Variants in RNF112 observed in about 807,000 individuals in gnomAD.
The protein encoded by RNF112 is brain finger protein.
RNF112 carries 34 observed loss-of-function variants against 64.7 expected under a neutral mutation model. The ratio of observed to expected loss-of-function variants is 0.53; its 90% CI spans 0.40 to 0.70. The LOEUF (loss-of-function observed/expected upper bound fraction) is 0.70. RNF112 is among the 30% of genes least tolerant of loss of function. RNF112 has a pLI of 0.00. For synonymous variants in RNF112, 345 were observed against 344.5 expected, an observed-to-expected ratio of 1.00 and a Z score of -0.02; for missense variants, 734 against 850.0, an observed-to-expected ratio of 0.86 and a Z score of 1.70.
In RNF112 at chr17:19,412,863, G is replaced by A. The variant is rs961834051; in HGVS notation, c.382-75G>A. On this transcript the variant is annotated intron_variant, in intron 3 of 13. Coordinates refer to ENST00000461366, the MANE Select transcript of RNF112 (RefSeq NM_007148.5). The surrounding 1 kb of genome is among the most constrained non-coding windows in gnomAD (Gnocchi z 5.1). The stretch of plus-strand genomic sequence containing the variant: ...CTATTCTAGAACATCAGGACACAGA[G>A]CTCCAGGCTGAACACATTCCAGGGT... 3.2e-5 allele frequency: 50 copies of A among 1,578,066 alleles called. 1 individual carries two copies. The East Asian group carries it at 1.1e-3, about 34-fold the overall frequency.
chr17:19,414,326 C>T (rs918318007), intron 7 of RNF112, 123 bp from the exon 8 acceptor site: 50 of 1,253,746 alleles, frequency 4.0e-5, no homozygotes, highest in Non-Finnish European at 5.2e-5. Flanking sequence ...CAGGAGAACC[C>T]CAGGCTGCAA....
rs778162519 is a variant in RNF112, at chr17:19,411,459, A to G, written c.51A>G (p.Lys17=). Residue 17 remains lysine (K), a synonymous_variant, in exon 1 of 14, where the codon AAA becomes AAG. Coordinates refer to ENST00000461366, the MANE Select transcript of RNF112 (RefSeq NM_007148.5). ...SVTSFCHRLG[K]RERKQSFMGN... is the part of the protein sequence containing the mutation. ...CTTCCTTTTGTCATCGGCTTGGCAAACGGGCAAGTCTTCAGTCCTAAGATC... is the reference window on the plus strand; with the variant it reads ...CTTCCTTTTGTCATCGGCTTGGCAAGCGGGCAAGTCTTCAGTCCTAAGATC... The G allele has an allele frequency of 2.6e-6, 4 of 1,549,934 alleles. No individual in the cohort carries two copies. The East Asian group carries it at 7.7e-5, about 30-fold the overall frequency.
chr17:19,413,482 G>A lies in RNF112; in HGVS notation c.720+71G>A. ...TCAAGAAGGGCGTCTCTGGGGTGAGGATAGAAGATGGGGATGGGACGGGGC... is the reference window on the plus strand; with the variant it reads ...TCAAGAAGGGCGTCTCTGGGGTGAGAATAGAAGATGGGGATGGGACGGGGC... On this transcript the variant is annotated intron_variant, in intron 5 of 13. Coordinates refer to ENST00000461366, the MANE Select transcript of RNF112 (RefSeq NM_007148.5). The surrounding 1 kb of genome is among the most constrained non-coding windows in gnomAD (Gnocchi z 5.9). The A allele has an allele frequency of 6.4e-7, 1 of 1,566,196 alleles. No individual in the cohort carries two copies. Among genetic ancestry groups the A allele is most frequent in the Non-Finnish European group, 8.8e-7 (1 of 1,142,262 alleles).
chr17:19,413,347 A>T lies in RNF112; in HGVS notation c.656A>T (p.Asn219Ile), dbSNP rs773373702. 6.2e-7 allele frequency: 1 copy of T among 1,613,290 alleles called. No individual in the cohort carries two copies. The highest frequency in any genetic ancestry group is 1.1e-5 in the South Asian group (1 of 90,994). ...CTGCAGGGCTGCAGGTGGGGCGCCA[A>T]TGGCCTCGCCAGGGGCATATGGATG... ...ASLQGCRWGA[N>I]GLARGIWMWS... Residue 219 changes from asparagine (N) to isoleucine (I), a missense_variant, in exon 5 of 14, where the codon AAT becomes ATT. Physicochemically the swap from Asn to Ile is moderately radical, Grantham distance 149. Coordinates refer to ENST00000461366, the MANE Select transcript of RNF112 (RefSeq NM_007148.5). The surrounding 1 kb of genome is among the most constrained non-coding windows in gnomAD (Gnocchi z 5.9).
rs975287389 is a variant in RNF112, at chr17:19,415,621, G to A, written c.1425+29G>A. 1.3e-5 allele frequency: 21 copies of A among 1,609,058 alleles called. No homozygotes were observed. In the Admixed American group the frequency reaches 1.3e-4, roughly 10 times the overall value. On this transcript the variant is annotated intron_variant, in intron 13 of 13. Coordinates refer to ENST00000461366, the MANE Select transcript of RNF112 (RefSeq NM_007148.5). This position sits in a 1 kb window ranked among gnomAD's most constrained non-coding sequence, Gnocchi z 7.8. ...AGCCCCGGGGCTGCACGGGAGGCAG[G>A]TGTGGGCCGGGCAGGGTCCAGATCA...
chr17:19,416,180 C>T lies in RNF112; in HGVS notation c.*5C>T, dbSNP rs2152300665. On this transcript the variant is annotated 3_prime_UTR_variant, in exon 14 of 14. Coordinates refer to ENST00000461366, the MANE Select transcript of RNF112 (RefSeq NM_007148.5). ...CCCCTTCTCCAGGAAGAGTAACAGC[C>T]CCAGGAGGTATTGAAGGACAGGAGA... 6.5e-7 allele frequency: 1 copy of T among 1,545,566 alleles called. No homozygotes were observed. Among genetic ancestry groups the T allele is most frequent in the East Asian group, 2.4e-5 (1 of 41,472 alleles).
In RNF112 at chr17:19,411,651, G is replaced by A; in HGVS notation, c.76G>A (p.Gly26Arg). Residue 26 changes from glycine (G) to arginine (R), a missense_variant, in exon 2 of 14, where the codon GGA becomes AGA. Physicochemically the swap from Gly to Arg is moderately radical, Grantham distance 125. Transcript: ENST00000461366. ...CAAGGAGAGAAAACAGAGCTTCATG[G>A]GAAACAGCGGCAACAGTTGGTAAGT... ...GKRERKQSFM[G>R]NSGNSWSHTP... 3 of 1,572,814 alleles carry A rather than the reference G, an allele frequency of 1.9e-6. No individual in the cohort carries two copies. The highest frequency in any genetic ancestry group is 2.6e-6 in the Non-Finnish European group (3 of 1,159,466).
chr17:19,414,341 G>T, intron 7 of RNF112, 108 bp from the exon 8 acceptor site: 1 of 1,373,612 alleles, frequency 7.3e-7, no homozygotes, highest in Non-Finnish European at 1.0e-6. Context: ...CTGCAAAAGG[G>T]GGAGCCTAGC....
At chr17:19,414,387 T>G in intron 7 of RNF112, 62 bp from the exon 8 acceptor site, 1 of 1,596,922 alleles carries the variant, frequency 6.3e-7, no homozygotes, top group South Asian at 1.1e-5. Context: ...GGAGACAGGC[T>G]TGGGGTGCAC....
In RNF112 at chr17:19,416,169, A is replaced by G; in HGVS notation, c.1890A>G (p.Glu630=). The change falls in exon 14 of 14, where the codon GAA becomes GAG. Residue 630 remains glutamate (E), a synonymous_variant. Coordinates refer to ENST00000461366, the MANE Select transcript of RNF112 (RefSeq NM_007148.5). ...LEGDREPLLQ[E]E ...GGGACCGAGAGCCCCTTCTCCAGGA[A>G]GAGTAACAGCCCCAGGAGGTATTGA... 7.1e-6 allele frequency: 11 copies of G among 1,555,356 alleles called. No homozygotes were observed. The highest frequency in any genetic ancestry group is 9.6e-6 in the Non-Finnish European group (11 of 1,150,000).
rs1363373717 is a variant in RNF112 at position 19,415,080 on chromosome 17, C to T, written c.1169C>T (p.Ser390Leu). ...DFRHLLGAYV[S>L]DVLSAAPQHA... is the part of the protein sequence containing the mutation. ...CGCCACCTTCTGGGGGCCTACGTCT[C>T]AGATGTGCTGAGTGCGGCCCCCCAG... The change falls in exon 11 of 14, where the codon TCA becomes TTA. Residue 390 changes from serine to leucine, a missense_variant. Transcript: ENST00000461366. The surrounding 1 kb of genome is among the most constrained non-coding windows in gnomAD (Gnocchi z 7.8). 2.5e-6 allele frequency: 4 copies of T among 1,599,800 alleles called. No individual in the cohort carries two copies. The highest frequency in any genetic ancestry group is 2.7e-5 in the African/African-American group (2 of 73,902).
chr17:19,412,362 TG>T lies in RNF112; in HGVS notation c.96-134del. On this transcript the variant is annotated intron_variant, in intron 2 of 13. Transcript: ENST00000461366. This position sits in a 1 kb window ranked among gnomAD's most constrained non-coding sequence, Gnocchi z 5.1. ...CTCTGGGAGCAGCTCCGCCTGTCCA[TG>T]GAGGCACTGATGGAAATTGGGTTGG... 1 of 924,422 alleles carries T rather than the reference TG, an allele frequency of 1.1e-6. No homozygotes were observed. The highest frequency in any genetic ancestry group is 1.6e-6 in the Non-Finnish European group (1 of 626,800). 57.3% of individuals were successfully genotyped at this position (924,422 alleles called of 1,614,324 possible).
Position 19,412,203 on chromosome 17 carries a change from G to A in RNF112, c.96-295G>A, listed in dbSNP as rs1913686398. On this transcript the variant is annotated intron_variant, in intron 2 of 13. Coordinates refer to ENST00000461366, the MANE Select transcript of RNF112 (RefSeq NM_007148.5). The surrounding 1 kb of genome is among the most constrained non-coding windows in gnomAD (Gnocchi z 5.1). The stretch of plus-strand genomic sequence containing the variant: ...GAAGGAACTTGCTTGCATTTGCATG[G>A]CTGGGATGTGGTGGAGTCCATTCCA... 6.6e-6 allele frequency among the ~76,000 whole-genome samples: 1 copy of A among 152,196 alleles called. No individual in the cohort carries two copies. Among genetic ancestry groups the A allele is most frequent in the Non-Finnish European group, 1.5e-5 (1 of 68,036 alleles).
Position 19,416,221 on chromosome 17 carries a change from T to G in RNF112, c.*46T>G. 1 of 1,481,394 alleles carries G rather than the reference T, an allele frequency of 6.8e-7. No homozygotes were observed. The highest frequency in any genetic ancestry group is 2.2e-5 in the Admixed American group (1 of 44,940). 91.8% of individuals were successfully genotyped at this position (1,481,394 alleles called of 1,614,324 possible). A position where few individuals can be genotyped will look rare whatever the true frequency, so the allele number is the denominator to read the frequency against. ...GGACAGGAGAGATGTCAGGTGGGGA[T>G]GAAGAAGAGGGGCAGGTCGGGGGAG... On this transcript the variant is annotated 3_prime_UTR_variant, in exon 14 of 14. Coordinates refer to ENST00000461366, the MANE Select transcript of RNF112 (RefSeq NM_007148.5).
Position 19,413,081 on chromosome 17 carries a change from G to T in RNF112, c.525G>T (p.Leu175=), listed in dbSNP as rs767883839. The T allele has an allele frequency of 6.2e-6, 10 of 1,613,316 alleles. No individual in the cohort carries two copies. The South Asian group carries it at 9.9e-5, about 16-fold the overall frequency. ...CCCCAGTCTGCCTCCTCGCTGTCCT[G>T]GGGGAGCAGCACTCAGGGAAGTCCT... ...RDTPVCLLAV[L]GEQHSGKSFL... is the part of the protein sequence containing the mutation. Residue 175 remains leucine, a synonymous_variant, in exon 4 of 14, where the codon CTG becomes CTT. Transcript: ENST00000461366. The surrounding 1 kb of genome is among the most constrained non-coding windows in gnomAD (Gnocchi z 5.9).
Position 19,411,667 on chromosome 17 carries a change from G to C in RNF112, c.92G>C (p.Ser31Thr). The change falls in exon 2 of 14, where the codon AGT becomes ACT. Residue 31 changes from serine to threonine, a missense_variant. Coordinates refer to ENST00000461366, the MANE Select transcript of RNF112 (RefSeq NM_007148.5). ...AGCTTCATGGGAAACAGCGGCAACA[G>C]TTGGTAAGTAGCAGGGCCTTCCAGG... is the stretch of plus-strand genomic sequence containing the variant. The part of the protein sequence containing the change: ...KQSFMGNSGN[S>T]WSHTPFPKLE... 2.5e-6 allele frequency: 4 copies of C among 1,576,554 alleles called. No homozygotes were observed. The highest frequency in any genetic ancestry group is 3.4e-6 in the Non-Finnish European group (4 of 1,161,872).
rs1913845102 is a variant in RNF112 at position 19,415,412 on chromosome 17, C to A, written c.1350+73C>A. The A allele has an allele frequency of 1.3e-6, 2 of 1,541,804 alleles. No homozygotes were observed. The highest frequency in any genetic ancestry group is 1.4e-5 in the African/African-American group (1 of 73,364). On this transcript the variant is annotated intron_variant, in intron 12 of 13. Transcript: ENST00000461366. This position sits in a 1 kb window ranked among gnomAD's most constrained non-coding sequence, Gnocchi z 7.8. ...CAGGGAGGTGGGGGCTGTGCCGAGG[C>A]CTCCGGGGTGGGGGTCTGTGTGCCC...
chr17:19,413,454 G>A lies in RNF112; in HGVS notation c.720+43G>A, dbSNP rs746988243. The A allele has an allele frequency of 1.9e-6, 3 of 1,585,896 alleles. No homozygotes were observed. Among genetic ancestry groups the A allele is most frequent in the Non-Finnish European group, 2.6e-6 (3 of 1,158,352 alleles). ...AGAAGGAGGTCAGGGATGGGAAGGG[G>A]AATCAAGAAGGGCGTCTCTGGGGTG... On this transcript the variant is annotated intron_variant, in intron 5 of 13. Transcript: ENST00000461366. This position sits in a 1 kb window ranked among gnomAD's most constrained non-coding sequence, Gnocchi z 5.9.
rs739830 is a variant in RNF112 at position 19,411,298 on chromosome 17, T to C, written c.-111T>C. On this transcript the variant is annotated 5_prime_UTR_variant, in exon 1 of 14. Coordinates refer to ENST00000461366, the MANE Select transcript of RNF112 (RefSeq NM_007148.5). ...GATACCATCCCCCGACCTCACCTTC[T>C]ACCTACCGCAGCCTGCTAGCCTTTC... The C allele has an allele frequency of 0.67, 648,021 of 968,092 alleles. 221,030 individuals carry two copies. The highest frequency in any genetic ancestry group is 0.76 in the Middle Eastern group (3,534 of 4,674). The allele number at this position is 968,092 out of a possible 1,614,324, so 60.0% of individuals were successfully genotyped here.
Sources: gnomAD v4.1 joint callset for allele counts (sites outside exome capture counted in the v4.1 genomes callset) on GRCh38, gnomAD v4.1.1 for gene constraint, Gnocchi (gnomAD v3.1) non-coding constraint, MANE v1.5 for transcripts, NCBI Gene and HGNC (gene_info 2026-07-23, HGNC 2026-07-21) for gene names.